SLC38A8: variants seen among roughly 807,000 people sequenced by gnomAD.
SLC38A8 encodes solute carrier family 38 member 8.
SLC38A8 carries 65 observed loss-of-function variants against 46.0 expected under a neutral mutation model. The ratio of observed to expected loss-of-function variants is 1.41; its 90% CI spans 1.16 to 1.74. The LOEUF (loss-of-function observed/expected upper bound fraction) is 1.74. SLC38A8 is among the 40% of genes most tolerant of loss of function. The pLI is 0.00. For synonymous variants in SLC38A8, 447 were observed against 243.7 expected, an observed-to-expected ratio of 1.83 and a Z score of -7.77; for missense variants, 998 against 567.9, an observed-to-expected ratio of 1.76 and a Z score of -7.70.
chr16:84,025,150 G>A (rs564141687), intron 6 of SLC38A8, among the ~76,000 whole-genome samples: 47 of 102,222 alleles, frequency 4.6e-4, no homozygotes, highest in Admixed American at 1.2e-3. Flanking sequence ...CAGACACACC[G>A]GGCGGGGATG....
At chr16:84,037,273 G>A (rs1010382091) in intron 2 of SLC38A8, among the ~76,000 whole-genome samples, 3 of 152,346 alleles carry the variant, frequency 2.0e-5, no homozygotes, top group East Asian at 1.9e-4. Context: ...CTTGGAACCC[G>A]AGGTGGAGCG....
chr16:84,011,373 T>C (rs1597245355), intron 10 of SLC38A8, among the ~76,000 whole-genome samples: 2 of 152,228 alleles, frequency 1.3e-5, no homozygotes, highest in Admixed American at 1.3e-4. Flanking sequence ...ATTGGGAGGC[T>C]GGTTCAATAC....
Position 84,016,508 on chromosome 16 carries a change from A to C in SLC38A8, c.1162+11T>G. On this transcript the variant is annotated intron_variant, in intron 9 of 10. Transcript: ENST00000299709. The stretch of plus-strand genomic sequence containing the variant: ...CAAGTGGGCAGAAAGCCTGGAAAGC[A>C]GGGGCCTCACCTGGGAAGATGAAGA... 1 of 1,612,292 alleles carries C rather than the reference A, an allele frequency of 6.2e-7. No homozygotes were observed. Among genetic ancestry groups the C allele is most frequent in the Non-Finnish European group, 8.5e-7 (1 of 1,178,608 alleles).
At chr16:84,035,412 C>A (rs1459913896) in intron 3 of SLC38A8, among the ~76,000 whole-genome samples, 2 of 152,192 alleles carry the variant, frequency 1.3e-5, no homozygotes, top group Non-Finnish European at 2.9e-5. Flanking sequence ...ACACACATGG[C>A]AAAATGGTAC....
intron 7 of SLC38A8, among the ~76,000 whole-genome samples, chr16:84,018,029 T>C (rs781044381): frequency 3.3e-5 from 5 of 152,268 alleles, no homozygotes; most frequent in Middle Eastern, 3.4e-3. Context: ...AGTCCATTTT[T>C]TGTTGCTTAC....
At chr16:84,016,860 C>T in intron 8 of SLC38A8, 133 bp from the exon 9 acceptor site, 1 of 1,128,290 alleles carries the variant, frequency 8.9e-7, no homozygotes, top group Non-Finnish European at 1.2e-6. Context: ...GTGTTTATTC[C>T]CCAGGAGACC....
intron 6 of SLC38A8, among the ~76,000 whole-genome samples, chr16:84,026,927 CAGAA>C (rs1482417956): frequency 6.6e-6 from 1 of 152,146 alleles, no homozygotes; most frequent in Non-Finnish European, 1.5e-5. Flanking sequence ...CGAGGGGCAA[CAGAA>C]AGGTTCTCAA....
chr16:84,028,452 G>A (rs965174910), intron 6 of SLC38A8, among the ~76,000 whole-genome samples: 1 of 151,836 alleles, frequency 6.6e-6, no homozygotes, highest in African/African-American at 2.4e-5. Flanking sequence ...AGGCATGGTG[G>A]TGCACGCCTG....
intron 7 of SLC38A8, 139 bp from the exon 8 acceptor site, chr16:84,017,426 C>G (rs972565008): frequency 1.7e-5 from 17 of 980,582 alleles, no homozygotes; most frequent in Non-Finnish European, 2.5e-5. Context: ...AAGGGATAGC[C>G]CAAAGCTTTC....
chr16:84,039,225 G>T (rs1298997413), intron 2 of SLC38A8, among the ~76,000 whole-genome samples: 2 of 152,170 alleles, frequency 1.3e-5, no homozygotes, highest in African/African-American at 4.8e-5. Context: ...CTGACCTCCA[G>T]AACTGTGAGA....
intron 7 of SLC38A8, among the ~76,000 whole-genome samples, chr16:84,021,477 C>G (rs908331551): frequency 1.3e-5 from 2 of 152,206 alleles, no homozygotes; most frequent in African/African-American, 2.4e-5. Context: ...CTTCCAAAAC[C>G]TTGTTCCTCA....
intron 5 of SLC38A8, among the ~76,000 whole-genome samples, chr16:84,029,802 C>T (rs1480358530): frequency 6.6e-6 from 1 of 152,178 alleles, no homozygotes; most frequent in Non-Finnish European, 1.5e-5. Flanking sequence ...AGAATTTGGG[C>T]AGGAAAACCG....
At chr16:84,023,867 C>G (rs1359586228) in intron 6 of SLC38A8, among the ~76,000 whole-genome samples, 2 of 152,220 alleles carry the variant, frequency 1.3e-5, no homozygotes, top group African/African-American at 4.8e-5. Flanking sequence ...GCACTCCAGC[C>G]TGAAAGACAC....
chr16:84,043,216 G>T (rs904839635), upstream of SLC38A8, among the ~76,000 whole-genome samples: 1 of 152,212 alleles, frequency 6.6e-6, no homozygotes. Context: ...GGCGGCTGCT[G>T]GTCCCTAGGC....
chr16:84,030,359 C>A (rs903149073), intron 5 of SLC38A8, among the ~76,000 whole-genome samples: 21 of 152,168 alleles, frequency 1.4e-4, no homozygotes, highest in African/African-American at 4.8e-4. Flanking sequence ...AGGGCCTCCT[C>A]ATCCCCTCGA....
chr16:84,027,476 C>T (rs2151121604), intron 6 of SLC38A8, among the ~76,000 whole-genome samples: 1 of 152,324 alleles, frequency 6.6e-6, no homozygotes, highest in Admixed American at 6.5e-5. Flanking sequence ...ACTGGACAGG[C>T]CTGGGGCGGG....
chr16:84,040,191 C>T (rs1222846290), intron 2 of SLC38A8, among the ~76,000 whole-genome samples: 1 of 152,186 alleles, frequency 6.6e-6, no homozygotes, highest in Non-Finnish European at 1.5e-5. Flanking sequence ...TTCACAGTGA[C>T]ATCACTCCAG....
intron 7 of SLC38A8, 58 bp from the exon 8 acceptor site, chr16:84,017,345 C>A: frequency 6.3e-7 from 1 of 1,590,434 alleles, no homozygotes; most frequent in South Asian, 1.1e-5. Flanking sequence ...TGCCCCCTCC[C>A]CCACCAACAG....
At chr16:84,032,287 C>G (rs550807712) in intron 4 of SLC38A8, among the ~76,000 whole-genome samples, 3 of 152,334 alleles carry the variant, frequency 2.0e-5, no homozygotes, top group African/African-American at 7.2e-5. Flanking sequence ...CTCCCGGGTT[C>G]AAGCAATTCT....
Sources: allele counts gnomAD v4.1 joint callset (sites outside exome capture counted in the v4.1 genomes callset), GRCh38; gene constraint gnomAD v4.1.1; transcripts MANE v1.5; gene names NCBI Gene and HGNC (gene_info 2026-07-23, HGNC 2026-07-21).